Variants in ESYT2 observed in about 807,000 individuals in gnomAD.
ESYT2 encodes extended synaptotagmin 2, also known as extended synaptotagmin-2.
A neutral mutation model predicts 107.2 loss-of-function variants in ESYT2; 54 were observed. The ratio of observed to expected loss-of-function variants is 0.50; its 90% CI spans 0.40 to 0.63. The LOEUF (loss-of-function observed/expected upper bound fraction) is 0.63. ESYT2 is among the 30% of genes least tolerant of loss of function. The pLI, the probability that ESYT2 is intolerant of heterozygous loss-of-function variation, is 0.00. For missense variants in ESYT2, 1,020 were observed against 1,094.5 expected (o/e 0.93, Z 0.96); for synonymous variants, 491 against 434.1 (o/e 1.13, Z -1.63).
chr7:158,791,269 A>C (rs1312623514), intron 4 of ESYT2, among the ~76,000 whole-genome samples: 1 of 152,150 alleles, frequency 6.6e-6, no homozygotes, highest in Non-Finnish European at 1.5e-5. Context: ...GGCGGCCTGG[A>C]GCAGGAGTCC....
chr7:158,747,381 G>A (rs1403499386), intron 16 of ESYT2, among the ~76,000 whole-genome samples: 2 of 151,086 alleles, frequency 1.3e-5, no homozygotes, highest in Non-Finnish European at 1.5e-5. Context: ...AACCCCAAAC[G>A]TCTTACAAAC....
At chr7:158,760,169 G>A (rs766712823) in intron 11 of ESYT2, 22 bp from the exon 12 acceptor site, 11 of 1,606,252 alleles carry the variant, frequency 6.8e-6, no homozygotes, top group Admixed American at 5.0e-5. Flanking sequence ...AAATGTTTAC[G>A]TTCAGCAAAA....
rs1394069627 is a variant in ESYT2, at chr7:158,764,526, AC to A, written c.1101+150del. 5 of 816,966 alleles carry A rather than the reference AC, an allele frequency of 6.1e-6. 1 individual carries two copies. In the African/African-American group the frequency reaches 8.6e-5, roughly 14 times the overall value. The allele number at this position is 816,966 out of a possible 1,614,324, so 50.6% of individuals were successfully genotyped here. On this transcript the variant is annotated intron_variant, in intron 9 of 22. Coordinates refer to ENST00000275418, the MANE Select transcript of ESYT2 (RefSeq NM_001367773.1). ...GTGTAGTAAGGAGAGAAGGTACGAC[AC>A]TTTTTAAAGATGGGAAATTAAACAA... is the stretch of plus-strand genomic sequence containing the variant.
intron 6 of ESYT2, among the ~76,000 whole-genome samples, chr7:158,781,736 C>T (rs371192548): frequency 1.3e-5 from 2 of 148,658 alleles, no homozygotes; most frequent in African/African-American, 2.5e-5. Context: ...TGTGAGTGAA[C>T]GAGTGAGAAC....
chr7:158,769,833 C>T lies in ESYT2; in HGVS notation c.804-2059G>A, dbSNP rs183987783. 2.5e-4 allele frequency among the ~76,000 whole-genome samples: 38 copies of T among 152,248 alleles called. No individual in the cohort carries two copies. In the East Asian group the frequency reaches 7.1e-3, roughly 29 times the overall value. On this transcript the variant is annotated intron_variant, in intron 7 of 22. Coordinates refer to ENST00000275418, the MANE Select transcript of ESYT2 (RefSeq NM_001367773.1). ...AATGTCTGGGGTTTCTTTTTGTAAT[C>T]AATTAATATAACATGTGGATGCTCA...
chr7:158,814,471 G>A (rs544422795), intron 1 of ESYT2, among the ~76,000 whole-genome samples: 5 of 151,256 alleles, frequency 3.3e-5, no homozygotes, highest in South Asian at 2.1e-4. Context: ...TACTCGTCCC[G>A]ATTACCCTCA....
At chr7:158,742,197 C>A (rs1195618792) in intron 17 of ESYT2, among the ~76,000 whole-genome samples, 1 of 152,182 alleles carries the variant, frequency 6.6e-6, no homozygotes, top group African/African-American at 2.4e-5. Context: ...CCGCCTCAGC[C>A]TGCCAAGTAG....
intron 4 of ESYT2, among the ~76,000 whole-genome samples, chr7:158,790,721 G>C (rs73523683): frequency 0.13 from 19,611 of 152,074 alleles, 1,907 homozygotes; most frequent in East Asian, 0.43. Context: ...GAGGTCAGGA[G>C]TTTTAGACCA....
At chr7:158,734,361 G>A (rs959324761) in intron 22 of ESYT2, 61 bp downstream of exon 22, 40 of 1,610,912 alleles carry the variant, frequency 2.5e-5, no homozygotes, top group South Asian at 3.3e-5. Context: ...ACTACCCACT[G>A]GGCGGGGAAA....
At position 158,743,668 on chromosome 7, in the gene ESYT2, T is replaced by C. The variant is rs759788085; in HGVS notation, c.1655A>G (p.Glu552Gly). 3 of 1,611,120 alleles carry C rather than the reference T, an allele frequency of 1.9e-6. No individual in the cohort carries two copies. In the African/African-American group the frequency reaches 4.0e-5, roughly 22 times the overall value. ...RQDLEVEVRDEQHQCSLGNLK... is the reference protein window; with the variant it reads ...RQDLEVEVRDGQHQCSLGNLK... ...GTTCCCCAGGGAACACTGGTGCTGCTCGTCTCTGACCTGCAAAACACAGGG... is the reference window on the plus strand; with the variant it reads ...GTTCCCCAGGGAACACTGGTGCTGCCCGTCTCTGACCTGCAAAACACAGGG... Residue 552 changes from glutamate (E) to glycine (G), a missense_variant, in exon 17 of 23, where the codon GAG (glutamate) becomes GGG (glycine). Physicochemically the swap from Glu to Gly is moderately conservative, Grantham distance 98 (BLOSUM62 -2). Transcript: ENST00000275418.
At chr7:158,776,175 G>T (rs1345790197) in intron 6 of ESYT2, among the ~76,000 whole-genome samples, 1 of 152,164 alleles carries the variant, frequency 6.6e-6, no homozygotes, top group African/African-American at 2.4e-5. Context: ...GTTTTTCCAG[G>T]TATAGAACAC....
chr7:158,756,925 A>G (rs1473663644), intron 13 of ESYT2, among the ~76,000 whole-genome samples: 10 of 150,476 alleles, frequency 6.6e-5, no homozygotes, highest in Admixed American at 3.9e-4. Context: ...AAAAAAAAAA[A>G]AAAAAAAAAA....
rs147773452 is a variant in ESYT2, at chr7:158,818,573, C to G, written c.330+10516G>C. ...GGCCACACCAGGACTTGCCTGCAAG[C>G]GGAGCACTGGTCACAGCTGGGCATC... is the stretch of plus-strand genomic sequence containing the variant. On this transcript the variant is annotated intron_variant, in intron 1 of 22. Transcript: ENST00000275418. 2.7e-3 allele frequency among the ~76,000 whole-genome samples: 410 copies of G among 152,338 alleles called. 1 individual carries two copies. Among genetic ancestry groups the G allele is most frequent in the African/African-American group, 9.6e-3 (399 of 41,568 alleles).
At chr7:158,823,167 C>A (rs545638083) in intron 1 of ESYT2, among the ~76,000 whole-genome samples, 78 of 149,134 alleles carry the variant, frequency 5.2e-4, no homozygotes, top group African/African-American at 1.8e-3. Context: ...TGGCGGTGTG[C>A]GCCTGTAGTC....
At chr7:158,777,498 T>G (rs1838610923) in intron 6 of ESYT2, among the ~76,000 whole-genome samples, 1 of 152,134 alleles carries the variant, frequency 6.6e-6, no homozygotes, top group Non-Finnish European at 1.5e-5. Context: ...GGAGTTCTCA[T>G]GAGTTCTGAT....
intron 1 of ESYT2, chr7:158,827,400 CGT>C (rs1840489536): frequency 6.6e-6 from 1 of 152,088 alleles, no homozygotes; most frequent in Non-Finnish European, 1.5e-5. Flanking sequence ...AGACACAAAA[CGT>C]CACTTTAAAG....
intron 1 of ESYT2, among the ~76,000 whole-genome samples, chr7:158,825,888 G>A (rs1840425045): frequency 6.6e-6 from 1 of 152,056 alleles, no homozygotes; most frequent in Non-Finnish European, 1.5e-5. Flanking sequence ...TAAAAATCAA[G>A]GTACTAGTAA....
chr7:158,752,939 C>A, intron 13 of ESYT2, 96 bp from the exon 14 acceptor site: 2 of 802,210 alleles, frequency 2.5e-6, no homozygotes, highest in South Asian at 1.6e-5. Flanking sequence ...TGGGAATAAA[C>A]AAACAAAAAT....
Position 158,767,693 on chromosome 7 carries a change from A to C in ESYT2, c.885T>G (p.Ser295Arg). ...ACCGCAACTGAGCTATTTGAACTTC[A>C]CTGACAAGTGGAACGGTGATTCGAT... Reference protein sequence around the residue: ...LPNRITVPLVSEVQIAQLRFP... With the variant: ...LPNRITVPLVREVQIAQLRFP... Residue 295 changes from serine to arginine, a missense_variant, in exon 8 of 23, where the codon AGT (serine) becomes AGG (arginine). Coordinates refer to ENST00000275418, the MANE Select transcript of ESYT2 (RefSeq NM_001367773.1). 1 of 1,613,244 alleles carries C rather than the reference A, an allele frequency of 6.2e-7. No homozygotes were observed. The highest frequency in any genetic ancestry group is 8.5e-7 in the Non-Finnish European group (1 of 1,179,578).
Sources: allele counts gnomAD v4.1 joint callset (sites outside exome capture counted in the v4.1 genomes callset), GRCh38; gene constraint gnomAD v4.1.1; transcripts MANE v1.5; gene names NCBI Gene and HGNC (gene_info 2026-07-23, HGNC 2026-07-21).